KIFC2: variants seen among roughly 807,000 people sequenced by gnomAD.
KIFC2 encodes the protein kinesin family member C2.
Under a neutral mutation model 91.5 loss-of-function variants are expected in KIFC2, and 94 were observed. The ratio of observed to expected loss-of-function variants is 1.03; its 90% CI spans 0.87 to 1.22. The LOEUF (loss-of-function observed/expected upper bound fraction) is 1.22. Among genes scored for constraint, KIFC2 ranks in the 50% most tolerant of loss-of-function variants. The pLI is 0.00. For synonymous variants in KIFC2, 729 were observed against 503.9 expected (o/e 1.45, Z -5.98); for missense variants, 1,357 against 1,103.3 (o/e 1.23, Z -3.26).
In KIFC2 at chr8:144,468,537, T is replaced by C; in HGVS notation, c.890T>C (p.Leu297Pro). The C allele has an allele frequency of 6.4e-7, 1 of 1,570,988 alleles. No individual in the cohort carries two copies. The highest frequency in any genetic ancestry group is 2.3e-5 in the East Asian group (1 of 43,060). The change falls in exon 9 of 18, where the codon CTG becomes CCG. Residue 297 changes from leucine (L) to proline (P), a missense_variant and splice_region_variant. Physicochemically the swap from Leu to Pro is moderately conservative, Grantham distance 98. Transcript: ENST00000645548. ...QDTTEALRAQLGVQEVQLQGL... is the reference protein window; with the variant it reads ...QDTTEALRAQPGVQEVQLQGL... ...CAGGGGTGGGGTTGGGCGGGGCAGC[T>C]GGGGGTGCAGGAGGTGCAGCTGCAG... is the stretch of plus-strand genomic sequence containing the variant.
rs761086494 is a variant in KIFC2, at chr8:144,467,331, CT to C, written c.460del (p.Ser154LeufsTer56). ...AGCCAGCCCCTCGGGTCCGGCCCCC[CT>C]CTCCAGATGGTGAGTAAAGGACAGT... ...TQPAPRVRPP[S>X]PDGSTSQEES... On this transcript the variant is annotated frameshift_variant, in exon 4 of 18. Transcript: ENST00000645548. LOFTEE classifies it high-confidence loss of function. The C allele has an allele frequency of 6.2e-7, 1 of 1,607,544 alleles. No homozygotes were observed. Among genetic ancestry groups the C allele is most frequent in the Admixed American group, 1.7e-5 (1 of 58,940 alleles).
At position 144,472,182 on chromosome 8, in the gene KIFC2, G is replaced by A. The variant is rs1306047075; in HGVS notation, c.1530G>A (p.Ser510=). 2.5e-6 allele frequency: 4 copies of A among 1,613,198 alleles called. No individual in the cohort carries two copies. Among genetic ancestry groups the A allele is most frequent in the South Asian group, 1.1e-5 (1 of 91,086 alleles). ...GCATAGTTCCTAGGGCGCTGCAGTC[G>A]CTGTTCCGGGAGATGGGGGCCGGCC... ...DPGIVPRALQ[S]LFREMGAGRQ... is the part of the protein sequence containing the mutation. Residue 510 remains serine, a synonymous_variant, in exon 14 of 18, where the codon TCG becomes TCA. Coordinates refer to ENST00000645548, the MANE Select transcript of KIFC2 (RefSeq NM_001369769.2).
In KIFC2 at chr8:144,468,523, T is replaced by C. The variant is rs1824786018; in HGVS notation, c.889-13T>C. ...TGTTTCCTCAGTGACAGGGGTGGGG[T>C]TGGGCGGGGCAGCTGGGGGTGCAGG... On this transcript the variant is annotated splice_polypyrimidine_tract_variant and intron_variant, in intron 8 of 17. Coordinates refer to ENST00000645548, the MANE Select transcript of KIFC2 (RefSeq NM_001369769.2). 2 of 617,592 alleles carry C rather than the reference T, an allele frequency of 3.2e-6. No homozygotes were observed. The highest frequency in any genetic ancestry group is 2.3e-6 in the Non-Finnish European group (1 of 435,686). 38.3% of individuals were successfully genotyped at this position (617,592 alleles called of 1,614,324 possible).
In KIFC2 at chr8:144,472,982, C is replaced by T. The variant is rs936863192; in HGVS notation, c.2049C>T (p.Arg683=). 5 of 1,453,708 alleles carry T rather than the reference C, an allele frequency of 3.4e-6. No individual in the cohort carries two copies. Among genetic ancestry groups the T allele is most frequent in the Middle Eastern group, 2.2e-4 (1 of 4,506 alleles). 90.1% of individuals were successfully genotyped at this position (1,453,708 alleles called of 1,614,324 possible). Residue 683 remains arginine, a synonymous_variant, in exon 17 of 18, where the codon CGC becomes CGT. Transcript: ENST00000645548. ...LRAHRPHVPF[R]DSQLTRLLQP... Reference sequence around the variant, plus strand: ...CCCACCGGCCGCACGTGCCCTTCCGCGACTCGCAGCTCACGCGACTGCTGC... The same window carrying T: ...CCCACCGGCCGCACGTGCCCTTCCGTGACTCGCAGCTCACGCGACTGCTGC...
In KIFC2 at chr8:144,473,664, G is replaced by A. The variant is rs1217326983; in HGVS notation, c.*275G>A. On this transcript the variant is annotated 3_prime_UTR_variant, in exon 18 of 18. Coordinates refer to ENST00000645548, the MANE Select transcript of KIFC2 (RefSeq NM_001369769.2). Reference sequence around the variant, plus strand: ...TGCTGTTATCACGGCACACAGCAGGGAATCCCAGGCCCCCCCGCCAAGTGG... The same window carrying A: ...TGCTGTTATCACGGCACACAGCAGGAAATCCCAGGCCCCCCCGCCAAGTGG... 3 of 495,902 alleles carry A rather than the reference G, an allele frequency of 6.0e-6. No individual in the cohort carries two copies. Among genetic ancestry groups the A allele is most frequent in the Admixed American group, 7.9e-5 (2 of 25,326 alleles). 30.7% of individuals were successfully genotyped at this position (495,902 alleles called of 1,614,324 possible).
rs1320586645 is a variant in KIFC2, at chr8:144,473,148, A to T, written c.2135A>T (p.Glu712Val). ...VLLLQISTRP[E>V]DLGETVCSLK... ...TGCCCGCAGATCTCCACGCGGCCGG[A>T]GGATCTCGGGGAGACAGTCTGCTCC... The change falls in exon 18 of 18, where the codon GAG becomes GTG. Residue 712 changes from glutamate to valine, a missense_variant. Glu to Val is a moderately radical substitution (Grantham distance 121). Coordinates refer to ENST00000645548, the MANE Select transcript of KIFC2 (RefSeq NM_001369769.2). 6.5e-6 allele frequency: 10 copies of T among 1,546,280 alleles called. No homozygotes were observed. Among genetic ancestry groups the T allele is most frequent in the Non-Finnish European group, 8.7e-6 (10 of 1,144,370 alleles).
chr8:144,466,472 G>A lies in KIFC2; in HGVS notation c.53G>A (p.Arg18Lys). The change falls in exon 1 of 18, where the codon AGG becomes AAG. Residue 18 changes from arginine (R) to lysine (K), a missense_variant. Transcript: ENST00000645548. The part of the protein sequence containing the change: ...LIYIFYSLFR[R>K]DGGAAAAAEP... ...TACATCTTCTACAGCCTCTTCCGCA[G>A]GGATGGTGGCGCCGCGGCGGCCGCG... The A allele has an allele frequency of 1.5e-6, 2 of 1,350,508 alleles. No homozygotes were observed. Among genetic ancestry groups the A allele is most frequent in the Non-Finnish European group, 1.9e-6 (2 of 1,040,694 alleles). The allele number at this position is 1,350,508 out of a possible 1,614,324, so 83.7% of individuals were successfully genotyped here.
intron 4 of KIFC2, 62 bp downstream of exon 4, chr8:144,467,403 G>A (rs1824713932): frequency 2.6e-6 from 4 of 1,546,634 alleles, no homozygotes; most frequent in Non-Finnish European, 3.5e-6. Context: ...GTAGAACCTG[G>A]GCGGCCTGGA....
At chr8:144,466,623 C>A (rs1824650516) in intron 1 of KIFC2, 105 bp downstream of exon 1, 55 of 866,246 alleles carry the variant, frequency 6.3e-5, no homozygotes, top group Non-Finnish European at 8.4e-5. Flanking sequence ...GCGACGGGGC[C>A]GTGCCGAGGA....
Position 144,467,674 on chromosome 8 carries a change from G to A in KIFC2, c.616-40G>A, listed in dbSNP as rs781004774. 7 of 1,607,854 alleles carry A rather than the reference G, an allele frequency of 4.4e-6. No individual in the cohort carries two copies. In the Admixed American group the frequency reaches 5.1e-5, roughly 12 times the overall value. On this transcript the variant is annotated intron_variant, in intron 5 of 17. Coordinates refer to ENST00000645548, the MANE Select transcript of KIFC2 (RefSeq NM_001369769.2). ...GAAGGGATTGCCGGCTGGGACGCCAGAAAAAGGAGGTCCACCCTGTCTCTC... is the reference window on the plus strand; with the variant it reads ...GAAGGGATTGCCGGCTGGGACGCCAAAAAAAGGAGGTCCACCCTGTCTCTC...
chr8:144,472,242 C>T lies in KIFC2; in HGVS notation c.1590C>T (p.Ile530=). Residue 530 remains isoleucine, a synonymous_variant, in exon 14 of 18, where the codon ATC becomes ATT. Coordinates refer to ENST00000645548, the MANE Select transcript of KIFC2 (RefSeq NM_001369769.2). ...GGGTGACACTCAGCATGGTGGAGAT[C>T]TACAATGAGGCTGTCAGGTGGGCTA... ...QHRVTLSMVE[I]YNEAVRDLLA... 8.1e-6 allele frequency: 13 copies of T among 1,613,372 alleles called. No homozygotes were observed. Among genetic ancestry groups the T allele is most frequent in the Non-Finnish European group, 1.1e-5 (13 of 1,179,982 alleles).
intron 7 of KIFC2, 57 bp from the exon 8 acceptor site, chr8:144,468,272 A>C (rs1466740662): frequency 4.1e-6 from 6 of 1,471,626 alleles, no homozygotes; most frequent in Non-Finnish European, 5.6e-6. Flanking sequence ...CCCATCTGTG[A>C]AATGGTACCA....
Position 144,472,188 on chromosome 8 carries a change from C to T in KIFC2, c.1536C>T (p.Phe512=), listed in dbSNP as rs1160762468. ...GIVPRALQSL[F]REMGAGRQHR... Reference sequence around the variant, plus strand: ...TTCCTAGGGCGCTGCAGTCGCTGTTCCGGGAGATGGGGGCCGGCCGGCAGC... The same window carrying T: ...TTCCTAGGGCGCTGCAGTCGCTGTTTCGGGAGATGGGGGCCGGCCGGCAGC... Residue 512 remains phenylalanine (F), a synonymous_variant, in exon 14 of 18, where the codon TTC becomes TTT. Coordinates refer to ENST00000645548, the MANE Select transcript of KIFC2 (RefSeq NM_001369769.2). 21 of 1,613,216 alleles carry T rather than the reference C, an allele frequency of 1.3e-5. No homozygotes were observed. The highest frequency in any genetic ancestry group is 2.7e-5 in the African/African-American group (2 of 74,908).
rs1825063597 is a variant in KIFC2 at position 144,474,160 on chromosome 8, C to G, written c.*771C>G. On this transcript the variant is annotated 3_prime_UTR_variant, in exon 18 of 18. Coordinates refer to ENST00000645548, the MANE Select transcript of KIFC2 (RefSeq NM_001369769.2). ...GTTTCGAGGCTGCTGTGGTCGCAGA[C>G]AGCCGCCTCGCCTTGGCTCCCTGTC... 4 of 1,176,572 alleles carry G rather than the reference C, an allele frequency of 3.4e-6. No individual in the cohort carries two copies. The South Asian group carries it at 6.3e-5, about 18-fold the overall frequency. The allele number at this position is 1,176,572 out of a possible 1,614,324, so 72.9% of individuals were successfully genotyped here. A position where few individuals can be genotyped will look rare whatever the true frequency, so the allele number is the denominator to read the frequency against.
rs375399188 is a variant in KIFC2 at position 144,472,208 on chromosome 8, G to A, written c.1556G>A (p.Arg519Gln). 20 of 1,613,206 alleles carry A rather than the reference G, an allele frequency of 1.2e-5. No homozygotes were observed. The Admixed American group carries it at 2.5e-4, about 20-fold the overall frequency. ...QSLFREMGAG[R>Q]QHRVTLSMVE... ...CTGTTCCGGGAGATGGGGGCCGGCC[G>A]GCAGCACCGGGTGACACTCAGCATG... The change falls in exon 14 of 18, where the codon CGG becomes CAG. Residue 519 changes from arginine (R) to glutamine (Q), a missense_variant. By Grantham distance (43) the Arg-to-Gln change is conservative. Transcript: ENST00000645548.
rs1018887876 is a variant in KIFC2, at chr8:144,468,001, G to T, written c.810+14G>T. On this transcript the variant is annotated intron_variant, in intron 7 of 17. Coordinates refer to ENST00000645548, the MANE Select transcript of KIFC2 (RefSeq NM_001369769.2). ...AGGGCTCCGCAGGTACTCTGCTCCC[G>T]AGCTGCAGCCGTTCCTGCAGCCTGG... 5 of 1,527,718 alleles carry T rather than the reference G, an allele frequency of 3.3e-6. No individual in the cohort carries two copies. Among genetic ancestry groups the T allele is most frequent in the South Asian group, 1.2e-5 (1 of 80,236 alleles). The allele number at this position is 1,527,718 out of a possible 1,614,324, so 94.6% of individuals were successfully genotyped here.
intron 12 of KIFC2, 75 bp from the exon 13 acceptor site, chr8:144,471,867 C>G (rs368646245): frequency 1.5e-5 from 21 of 1,369,478 alleles, no homozygotes; most frequent in Middle Eastern, 1.8e-4. Flanking sequence ...CTTCGTGGCA[C>G]TCCCCACCCC....
Position 144,468,141 on chromosome 8 carries a change from T to C in KIFC2, c.810+154T>C, listed in dbSNP as rs574280706. 132 of 1,116,410 alleles carry C rather than the reference T, an allele frequency of 1.2e-4. No homozygotes were observed. In the East Asian group the frequency reaches 2.6e-3, roughly 22 times the overall value. 69.2% of individuals were successfully genotyped at this position (1,116,410 alleles called of 1,614,324 possible). On this transcript the variant is annotated intron_variant, in intron 7 of 17. Coordinates refer to ENST00000645548, the MANE Select transcript of KIFC2 (RefSeq NM_001369769.2). ...GCTGATGCCAATGGGAAGACCCCCC[T>C]CTCCGTGGCCCCTCTGAGTGGCTGA... is the stretch of plus-strand genomic sequence containing the variant.
At chr8:144,470,746 C>T (rs1357864873) in intron 12 of KIFC2, 3 of 152,386 alleles carry the variant, frequency 2.0e-5, no homozygotes, top group African/African-American at 7.2e-5. Context: ...CCTGGCTGGC[C>T]ACCATCCCCC....
Sources: allele counts gnomAD v4.1 joint callset, GRCh38; gene constraint gnomAD v4.1.1; transcripts MANE v1.5; gene names NCBI Gene and HGNC (gene_info 2026-07-23, HGNC 2026-07-21).